RGS9: variants seen among roughly 807,000 people sequenced by gnomAD.
The protein encoded by RGS9 is regulator of G-protein signalling 9.
A neutral mutation model predicts 102.0 loss-of-function variants in RGS9; 78 were observed. That is an observed-to-expected ratio of 0.76 (90% CI 0.64 to 0.92). The LOEUF (loss-of-function observed/expected upper bound fraction) is 0.92, where lower values mean the gene tolerates loss of function less well. RGS9 is among the 40% of genes least tolerant of loss of function. The pLI is 0.00. For missense variants in RGS9, 833 were observed against 866.1 expected (o/e 0.96, Z 0.48); for synonymous variants, 353 against 318.6 (o/e 1.11, Z -1.15).
chr17:65,168,773 G>A (rs1404988028), intron 8 of RGS9, among the ~76,000 whole-genome samples: 7 of 152,102 alleles, frequency 4.6e-5, no homozygotes, highest in Admixed American at 3.9e-4. Flanking sequence ...GAAGGAATAC[G>A]TCTGTGTTGA....
At chr17:65,199,787 C>A (rs574275868) in intron 13 of RGS9, among the ~76,000 whole-genome samples, 5 of 152,052 alleles carry the variant, frequency 3.3e-5, no homozygotes, top group Non-Finnish European at 7.4e-5. Context: ...AGCCACTGCG[C>A]CTGGCCACGT....
chr17:65,145,563 TTA>T (rs769967818), intron 1 of RGS9, among the ~76,000 whole-genome samples: 18,222 of 140,606 alleles, frequency 0.13, 2,612 homozygotes, highest in African/African-American at 0.38. Context: ...TTTTTTTTTT[TTA>T]ATATATTTTT....
chr17:65,181,616 C>T (rs1911888479), intron 9 of RGS9, among the ~76,000 whole-genome samples: 1 of 152,210 alleles, frequency 6.6e-6, no homozygotes, highest in African/African-American at 2.4e-5. Flanking sequence ...TCCTGCACCC[C>T]AGGAGGTGAT....
chr17:65,161,978 G>A (rs1240490425), intron 6 of RGS9, among the ~76,000 whole-genome samples: 14 of 152,010 alleles, frequency 9.2e-5, no homozygotes, highest in Admixed American at 5.9e-4. Context: ...GATTACAGGC[G>A]TGAGCCACCA....
chr17:65,150,447 C>A (rs1268470551), intron 1 of RGS9, among the ~76,000 whole-genome samples: 3 of 151,994 alleles, frequency 2.0e-5, no homozygotes, highest in African/African-American at 7.3e-5. Context: ...CATGGTAAAA[C>A]CCTGTTTCTA....
chr17:65,161,008 C>A, intron 6 of RGS9, 99 bp downstream of exon 6: 3 of 972,838 alleles, frequency 3.1e-6, no homozygotes, highest in East Asian at 2.4e-5. Context: ...CATATGCGCC[C>A]ACATTCATAT....
At position 65,160,511 on chromosome 17, in the gene RGS9, G is replaced by A. The variant is rs201138699; in HGVS notation, c.313-25G>A. 1,181 of 1,614,106 alleles carry A rather than the reference G, an allele frequency of 7.3e-4. 1 individual carries two copies. Among genetic ancestry groups the A allele is most frequent in the Non-Finnish European group, 8.4e-4 (997 of 1,179,940 alleles). ...TTGAGTCACAATCCAGTTTTAAAGC[G>A]TGGTTTCCCTGGTTTCTTTTGCAGA... is the stretch of plus-strand genomic sequence containing the variant. On this transcript the variant is annotated intron_variant, in intron 4 of 18. Transcript: ENST00000262406.
intron 17 of RGS9, among the ~76,000 whole-genome samples, chr17:65,221,141 T>C (rs1913693979): frequency 6.6e-6 from 1 of 152,170 alleles, no homozygotes; most frequent in South Asian, 2.1e-4. Context: ...GAAAGGACCA[T>C]CTCAGGCCAG....
intron 11 of RGS9, 94 bp from the exon 12 acceptor site, chr17:65,193,449 A>G (rs1912456681): frequency 1.2e-6 from 1 of 808,238 alleles, no homozygotes; most frequent in Non-Finnish European, 2.2e-6. Context: ...AAATCGATAC[A>G]GGAAAAGAGG....
Position 65,204,312 on chromosome 17 carries a change from C to A in RGS9, c.1203+11C>A. 1 of 1,613,680 alleles carries A rather than the reference C, an allele frequency of 6.2e-7. No homozygotes were observed. The highest frequency in any genetic ancestry group is 1.1e-5 in the South Asian group (1 of 91,056). On this transcript the variant is annotated intron_variant, in intron 15 of 18. Coordinates refer to ENST00000262406, the MANE Select transcript of RGS9 (RefSeq NM_003835.4). ...ATGCTCATGAAGAAGGTAGGTGGGT[C>A]CGTGCTGTGGATACGGGGTCCAGAT... is the stretch of plus-strand genomic sequence containing the variant.
intron 1 of RGS9, among the ~76,000 whole-genome samples, chr17:65,152,491 T>C (rs1171532438): frequency 6.6e-6 from 1 of 152,192 alleles, no homozygotes; most frequent in African/African-American, 2.4e-5. Context: ...CTGCTGAGAA[T>C]ACAAAGAGTG....
In RGS9 at chr17:65,153,324, C is replaced by T; in HGVS notation, c.58-98C>T. ...CCAGATGGGGAACCCCTGTGTCCAC[C>T]TTTGCATTTTGAGGTCCCTCTCAGT... On this transcript the variant is annotated intron_variant, in intron 1 of 18. Transcript: ENST00000262406. 2.9e-6 allele frequency: 3 copies of T among 1,021,746 alleles called. No individual in the cohort carries two copies. In the Admixed American group the frequency reaches 5.1e-5, roughly 17 times the overall value. 63.3% of individuals were successfully genotyped at this position (1,021,746 alleles called of 1,614,324 possible).
chr17:65,139,096 C>T (rs866298192), intron 1 of RGS9, among the ~76,000 whole-genome samples: 156 of 10,948 alleles, frequency 0.014, 1 homozygote, highest in Non-Finnish European at 0.053. Flanking sequence ...TCCTCCACCC[C>T]AGCTCTCCCC....
chr17:65,137,535 G>A lies in RGS9; in HGVS notation c.-6G>A. The A allele has an allele frequency of 1.9e-6, 3 of 1,611,472 alleles. No individual in the cohort carries two copies. The East Asian group carries it at 6.7e-5, about 36-fold the overall frequency. ...GCTCTGGCTGTGAATCCATCCAGGG[G>A]CCAGGATGACAATCCGACACCAAGG... On this transcript the variant is annotated 5_prime_UTR_variant, in exon 1 of 19. Transcript: ENST00000262406.
At chr17:65,211,623 T>G (rs906753250) in intron 17 of RGS9, among the ~76,000 whole-genome samples, 1 of 151,772 alleles carries the variant, frequency 6.6e-6, no homozygotes, top group Non-Finnish European at 1.5e-5. Context: ...CCTTGGGGGG[T>G]TTAGAAGGTC....
At chr17:65,177,098 C>T (rs886858187) in intron 8 of RGS9, among the ~76,000 whole-genome samples, 3 of 150,354 alleles carry the variant, frequency 2.0e-5, no homozygotes, top group East Asian at 4.0e-4. Context: ...TCCATCCTTC[C>T]ATCCCTCCAT....
At chr17:65,167,782 T>A (rs1262340131) in intron 7 of RGS9, among the ~76,000 whole-genome samples, 1 of 152,086 alleles carries the variant, frequency 6.6e-6, no homozygotes, top group East Asian at 1.9e-4. Flanking sequence ...TGGAGTTGGT[T>A]TGATTTAGGG....
intron 7 of RGS9, 77 bp from the exon 8 acceptor site, chr17:65,168,123 T>C: frequency 1.1e-6 from 1 of 922,092 alleles, no homozygotes; most frequent in Middle Eastern, 2.2e-4. Flanking sequence ...GGGGTCTAGG[T>C]CATCAGGAAT....
intron 15 of RGS9, among the ~76,000 whole-genome samples, chr17:65,206,763 G>A (rs1913079717): frequency 6.6e-6 from 1 of 152,212 alleles, no homozygotes; most frequent in Admixed American, 6.5e-5. Flanking sequence ...TTACTAGCCA[G>A]AATGGAACAG....
Sources: gnomAD v4.1 joint callset for allele counts (sites outside exome capture counted in the v4.1 genomes callset) on GRCh38, gnomAD v4.1.1 for gene constraint, MANE v1.5 for transcripts, NCBI Gene and HGNC (gene_info 2026-07-23, HGNC 2026-07-21) for gene names.